Variants in INF2 observed in about 807,000 individuals in gnomAD.
INF2 encodes the protein inverted formin 2, also known as inverted formin-2.
A neutral mutation model predicts 123.5 loss-of-function variants in INF2; 43 were observed. The observed-to-expected ratio is 0.35, with a 90% CI of 0.27 to 0.45. INF2 has a LOEUF of 0.45. Among genes scored for constraint, INF2 ranks in the 20% least tolerant of loss-of-function variants. The pLI is 1.00. For synonymous variants in INF2, 851 were observed against 745.0 expected (o/e 1.14, Z -2.32); for missense variants, 1,453 against 1,682.7 (o/e 0.86, Z 2.39).
intron 1 of INF2, 85 bp downstream of exon 1, chr14:104,689,824 C>A: frequency 1.2e-6 from 1 of 825,662 alleles, no homozygotes; most frequent in South Asian, 5.5e-5. Flanking sequence ...GGTCCAGGAG[C>A]GAGGTTCCGG....
chr14:104,713,816 C>T (rs1278681380), intron 20 of INF2, among the ~76,000 whole-genome samples: 1 of 152,220 alleles, frequency 6.6e-6, no homozygotes, highest in Admixed American at 6.5e-5. Flanking sequence ...CCACTGTAAC[C>T]GCAGGCCCTG....
Position 104,684,584 on chromosome 14 carries a change from G to A in INF2, c.-104+3002G>A, listed in dbSNP as rs1260815247. 1 of 157,024 alleles carries A rather than the reference G, an allele frequency of 6.4e-6. No homozygotes were observed. Among genetic ancestry groups the A allele is most frequent in the East Asian group, 1.9e-4 (1 of 5,316 alleles). The allele number at this position is 157,024 out of a possible 1,614,324, so 9.7% of individuals were successfully genotyped here. ...TAGCTTTGGCAGGTGCCCACGGAGG[G>A]GGCTATGCAATGGAACTTTCTGGGC... On this transcript the variant is annotated intron_variant, in intron 1 of 2. Transcript: ENST00000674723. The surrounding 1 kb of genome is among the most constrained non-coding windows in gnomAD (Gnocchi z 5.0).
upstream of INF2, among the ~76,000 whole-genome samples, chr14:104,686,619 A>T (rs1888671878): frequency 6.6e-6 from 1 of 152,114 alleles, no homozygotes; most frequent in Non-Finnish European, 1.5e-5. Flanking sequence ...CCACAGTAGG[A>T]TGCAAAATAA....
At position 104,709,402 on chromosome 14, in the gene INF2, C is replaced by T. The variant is rs767013298; in HGVS notation, c.2052+19C>T. The T allele has an allele frequency of 1.2e-5, 19 of 1,576,434 alleles. No individual in the cohort carries two copies. Among genetic ancestry groups the T allele is most frequent in the Non-Finnish European group, 1.5e-5 (17 of 1,147,044 alleles). ...GCACGAGGTAAGAGGACCACCCCCA[C>T]ACCCCACCCCCAGTTAGTGCCACCA... is the stretch of plus-strand genomic sequence containing the variant. On this transcript the variant is annotated intron_variant, in intron 11 of 22. Coordinates refer to ENST00000392634, the MANE Select transcript of INF2 (RefSeq NM_022489.4).
chr14:104,700,113 G>C (rs543124034), intron 1 of INF2, among the ~76,000 whole-genome samples: 1 of 152,240 alleles, frequency 6.6e-6, no homozygotes, highest in Non-Finnish European at 1.5e-5. Context: ...TTGGGTGCTC[G>C]ACCCCGCTCA....
Position 104,703,200 on chromosome 14 carries a change from G to A in INF2, c.487G>A (p.Asp163Asn). ...TCCCGAGGGCCACGTGCTGACCCTG[G>A]ACGCCCTGGACCACTACAAGGTGGG... ...YSPEGHVLTL[D>N]ALDHYKTVCS... The change falls in exon 3 of 23, where the codon GAC becomes AAC. Residue 163 changes from aspartate to asparagine, a missense_variant. Coordinates refer to ENST00000392634, the MANE Select transcript of INF2 (RefSeq NM_022489.4). 1 of 1,613,428 alleles carries A rather than the reference G, an allele frequency of 6.2e-7. No individual in the cohort carries two copies. The highest frequency in any genetic ancestry group is 8.5e-7 in the Non-Finnish European group (1 of 1,179,922).
intron 22 of INF2, 45 bp from the exon 23 acceptor site, chr14:104,718,750 C>T (rs761827054): frequency 5.6e-6 from 9 of 1,608,348 alleles, no homozygotes; most frequent in South Asian, 2.2e-5. Context: ...ATATTGTACC[C>T]AGCAAAACTG....
At chr14:104,681,163 T>G in exon 1 of INF2, 2 of 275,602 alleles carry the variant, frequency 7.3e-6, no homozygotes, top group African/African-American at 2.2e-5. Flanking sequence ...CTGTGAAGGA[T>G]CCACAGACTG....
Position 104,709,711 on chromosome 14 carries a change from C to A in INF2, c.2138+6C>A. 6.2e-7 allele frequency: 1 copy of A among 1,611,634 alleles called. No individual in the cohort carries two copies. Among genetic ancestry groups the A allele is most frequent in the Non-Finnish European group, 8.5e-7 (1 of 1,178,832 alleles). On this transcript the variant is annotated splice_donor_region_variant and intron_variant, in intron 12 of 22. Coordinates refer to ENST00000392634, the MANE Select transcript of INF2 (RefSeq NM_022489.4). ...CTCCTGCTGGCCATTCCCTGGTGAG[C>A]ATGGCCGCCCTCAGACCCCAGGGCC...
intron 20 of INF2, 128 bp from the exon 21 acceptor site, chr14:104,714,075 A>C: frequency 1.2e-6 from 1 of 800,316 alleles, no homozygotes; most frequent in Non-Finnish European, 1.9e-6. Context: ...GCTCTGAGAC[A>C]TCAGAGGAGG....
chr14:104,691,944 C>T lies in INF2; in HGVS notation c.-10+2205C>T, dbSNP rs374660539. Among the ~76,000 whole-genome samples the T allele has an allele frequency of 1.8e-4, 28 of 152,200 alleles. 1 individual carries two copies. In the East Asian group the frequency reaches 4.1e-3, roughly 22 times the overall value. The stretch of plus-strand genomic sequence containing the variant: ...CCGGTATACCCTGGCAACCACCAGG[C>T]CAGGAGAGCAGGGCAGACCGGTGGT... On this transcript the variant is annotated intron_variant, in intron 1 of 22. Coordinates refer to ENST00000392634, the MANE Select transcript of INF2 (RefSeq NM_022489.4).
chr14:104,714,524 C>A lies in INF2; in HGVS notation c.3362C>A (p.Pro1121His), dbSNP rs1400404162. 1.2e-6 allele frequency: 2 copies of A among 1,612,678 alleles called. No homozygotes were observed. Among genetic ancestry groups the A allele is most frequent in the African/African-American group, 1.3e-5 (1 of 74,928 alleles). Reference protein sequence around the residue: ...LKPLKFSSNQPPAAGSSRQDA... With the variant: ...LKPLKFSSNQHPAAGSSRQDA... ...CCCCTCAAGTTCTCCAGCAACCAGCCCCCTGCAGCCGGAAGTTCAAGGCAA... is the reference window on the plus strand; with the variant it reads ...CCCCTCAAGTTCTCCAGCAACCAGCACCCTGCAGCCGGAAGTTCAAGGCAA... The change falls in exon 21 of 23, where the codon CCC (proline) becomes CAC (histidine). Residue 1121 changes from proline (P) to histidine (H), a missense_variant. By Grantham distance (77) the Pro-to-His change is moderately conservative. This residue lies in a region of INF2 where 344 missense variants were observed against 333.1 expected (regional missense o/e 1.03). Transcript: ENST00000392634.
rs1328990119 is a variant in INF2 at position 104,721,080 on chromosome 14, G to C, written c.*2287G>C. 2 of 91,140 alleles carry C rather than the reference G, an allele frequency of 2.2e-5. No individual in the cohort carries two copies. Among genetic ancestry groups the C allele is most frequent in the East Asian group, 3.7e-4 (1 of 2,712 alleles). The allele number at this position is 91,140 out of a possible 1,614,324, so 5.6% of individuals were successfully genotyped here. A position where few individuals can be genotyped will look rare whatever the true frequency, so the allele number is the denominator to read the frequency against. ...GTCTGCGTAGTCTCGTGTGGATGCTGCTGTGGACGTCTGCGTAGTCTCGTG... is the reference window on the plus strand; with the variant it reads ...GTCTGCGTAGTCTCGTGTGGATGCTCCTGTGGACGTCTGCGTAGTCTCGTG... On this transcript the variant is annotated 3_prime_UTR_variant, in exon 23 of 23. Transcript: ENST00000392634.
rs1889953470 is a variant in INF2, at chr14:104,709,681, ACCT to A, written c.2121_2123del (p.Leu709del). 1.9e-6 allele frequency: 3 copies of A among 1,612,416 alleles called. No homozygotes were observed. The highest frequency in any genetic ancestry group is 1.7e-6 in the Non-Finnish European group (2 of 1,179,742). ...AAGCTGGCCAGCGCCGACCACTTCT[ACCT>A]CCTCCTGCTGGCCATTCCCTGGTGA... On this transcript the variant is annotated inframe_deletion, in exon 12 of 23. Coordinates refer to ENST00000392634, the MANE Select transcript of INF2 (RefSeq NM_022489.4).
At chr14:104,715,001 T>G (rs1237753592) in intron 21 of INF2, 145 bp downstream of exon 21, 3 of 910,564 alleles carry the variant, frequency 3.3e-6, no homozygotes, top group Non-Finnish European at 4.9e-6. Context: ...GAGGCGGCAG[T>G]GCGTCCACCG....
At chr14:104,686,093 G>A (rs1888655968), upstream of INF2, among the ~76,000 whole-genome samples, 1 of 150,856 alleles carries the variant, frequency 6.6e-6, no homozygotes, top group Non-Finnish European at 1.5e-5. Context: ...CAGTCGGTGG[G>A]TAGGTGGTTA....
rs1337362473 is a variant in INF2 at position 104,707,696 on chromosome 14, C to A, written c.1429C>A (p.Pro477Thr). Residue 477 changes from proline (P) to threonine (T), a missense_variant, in exon 8 of 23, where the codon CCA (proline) becomes ACA (threonine). Pro to Thr is a conservative substitution (Grantham distance 38). Coordinates refer to ENST00000392634, the MANE Select transcript of INF2 (RefSeq NM_022489.4). ...GAMAPPAPPL[P>T]PPLPGSCEFL... ...CATGGCCCCCCCAGCACCTCCTCTACCACCACCCCTGCCAGGCTCCTGTGA... is the reference window on the plus strand; with the variant it reads ...CATGGCCCCCCCAGCACCTCCTCTAACACCACCCCTGCCAGGCTCCTGTGA... 6.5e-6 allele frequency: 7 copies of A among 1,075,594 alleles called. No individual in the cohort carries two copies. Among genetic ancestry groups the A allele is most frequent in the Non-Finnish European group, 9.4e-6 (7 of 745,252 alleles). 66.6% of individuals were successfully genotyped at this position (1,075,594 alleles called of 1,614,324 possible). A position where few individuals can be genotyped will look rare whatever the true frequency, so the allele number is the denominator to read the frequency against.
Position 104,715,309 on chromosome 14 carries a change from TAAAAC to T in INF2, c.3724_3728del (p.Thr1242GlufsTer93). ...AGGTTCCCCCTGATTCTGATGATAATAAAACAAAGAAACTGTGTGTGATCCAGTAA... is the reference window on the plus strand; with the variant it reads ...AGGTTCCCCCTGATTCTGATGATAATAAAGAAACTGTGTGTGATCCAGTAA... On this transcript the variant is annotated frameshift_variant, in exon 22 of 23. Coordinates refer to ENST00000392634, the MANE Select transcript of INF2 (RefSeq NM_022489.4). LOFTEE classifies it high-confidence loss of function. 3 of 1,613,610 alleles carry T rather than the reference TAAAAC, an allele frequency of 1.9e-6. No homozygotes were observed. Among genetic ancestry groups the T allele is most frequent in the East Asian group, 2.2e-5 (1 of 44,882 alleles).
Position 104,699,518 on chromosome 14 carries a change from A to G in INF2, c.-9-1839A>G. ...AGCTCAGCGGTCAGCAGCGATGAGAAGCCAGGGGAGCGTGAGGAGCAGCCC... is the reference window on the plus strand; with the variant it reads ...AGCTCAGCGGTCAGCAGCGATGAGAGGCCAGGGGAGCGTGAGGAGCAGCCC... On this transcript the variant is annotated intron_variant, in intron 1 of 22. Coordinates refer to ENST00000392634, the MANE Select transcript of INF2 (RefSeq NM_022489.4). The surrounding 1 kb of genome is among the most constrained non-coding windows in gnomAD (Gnocchi z 4.7). 3 of 985,212 alleles carry G rather than the reference A, an allele frequency of 3.0e-6. No homozygotes were observed. Among genetic ancestry groups the G allele is most frequent in the Non-Finnish European group, 3.6e-6 (3 of 829,850 alleles). 61.0% of individuals were successfully genotyped at this position (985,212 alleles called of 1,614,324 possible). A position where few individuals can be genotyped will look rare whatever the true frequency, so the allele number is the denominator to read the frequency against.
Sources: allele counts gnomAD v4.1 joint callset (sites outside exome capture counted in the v4.1 genomes callset), GRCh38; gene constraint gnomAD v4.1.1; regional missense constraint gnomAD v4.1.1; non-coding constraint Gnocchi (gnomAD v3.1); transcripts MANE v1.5; gene names NCBI Gene and HGNC (gene_info 2026-07-23, HGNC 2026-07-21).